Variants in SF3A3 observed in about 807,000 individuals in gnomAD.
The protein encoded by SF3A3 is SAP 61.
A neutral mutation model predicts 85.8 loss-of-function variants in SF3A3; 9 were observed. The observed-to-expected ratio is 0.10, with a 90% CI of 0.06 to 0.18. The LOEUF is 0.18. Among genes scored for constraint, SF3A3 ranks in the 10% least tolerant of loss-of-function variants. SF3A3 has a pLI of 1.00. For synonymous variants in SF3A3, 195 were observed against 204.4 expected (o/e 0.95, Z 0.39); for missense variants, 306 against 593.3 (o/e 0.52, Z 5.03).
chr1:37,980,505 T>C, intron 8 of SF3A3, 81 bp downstream of exon 8: 1 of 1,476,776 alleles, frequency 6.8e-7, no homozygotes, highest in South Asian at 1.2e-5. Flanking sequence ...CCTAATGCCC[T>C]AAAGTGGAAG....
chr1:37,973,831 C>T (rs146510810), intron 12 of SF3A3, among the ~76,000 whole-genome samples: 2 of 152,264 alleles, frequency 1.3e-5, no homozygotes, highest in East Asian at 3.9e-4. Flanking sequence ...GGAACCAACC[C>T]AAATGTCCAT....
chr1:37,980,907 T>C, intron 7 of SF3A3, 183 bp from the exon 8 acceptor site: 2 of 359,176 alleles, frequency 5.6e-6, no homozygotes, highest in Non-Finnish European at 9.3e-6. Context: ...TGGAGTGCAA[T>C]GGCGGGATCT....
chr1:37,984,134 G>T, intron 6 of SF3A3, 35 bp downstream of exon 6: 1 of 1,228,726 alleles, frequency 8.1e-7, no homozygotes, highest in Non-Finnish European at 1.2e-6. Context: ...CTCACTTCGA[G>T]AATCAGAACC....
At chr1:37,966,833 G>T (rs1646303436) in intron 15 of SF3A3, among the ~76,000 whole-genome samples, 1 of 143,900 alleles carries the variant, frequency 6.9e-6, no homozygotes, top group Non-Finnish European at 1.5e-5. Flanking sequence ...TACTCGGGAG[G>T]CTGAGGCAGG....
At chr1:37,985,530 C>G (rs149148747) in intron 4 of SF3A3, among the ~76,000 whole-genome samples, 124 of 152,270 alleles carry the variant, frequency 8.1e-4, no homozygotes, top group African/African-American at 2.9e-3. Flanking sequence ...AAACAGTGCT[C>G]TATGTATTTA....
At chr1:37,988,821 G>A (rs1322329374) in intron 2 of SF3A3, among the ~76,000 whole-genome samples, 2 of 151,776 alleles carry the variant, frequency 1.3e-5, no homozygotes, top group Admixed American at 1.3e-4. Context: ...CTTTAAAGTA[G>A]TATCCTGGGA....
chr1:37,961,573 G>A (rs28540806), intron 15 of SF3A3, among the ~76,000 whole-genome samples: 151,086 of 151,334 alleles, frequency 1, 75,421 homozygotes, highest in Middle Eastern at 1. Flanking sequence ...AACAAGAGTG[G>A]AACTCCGTCT....
intron 11 of SF3A3, among the ~76,000 whole-genome samples, chr1:37,978,151 A>C (rs1646392799): frequency 6.6e-6 from 1 of 152,094 alleles, no homozygotes; most frequent in South Asian, 2.1e-4. Context: ...CAGCCTGGCT[A>C]ACATGATGAA....
intron 15 of SF3A3, among the ~76,000 whole-genome samples, chr1:37,967,427 C>T (rs1646309474): frequency 6.6e-6 from 1 of 151,818 alleles, no homozygotes; most frequent in Non-Finnish European, 1.5e-5. Context: ...TGCCTGTAAT[C>T]CCAGCACTTT....
intron 12 of SF3A3, among the ~76,000 whole-genome samples, chr1:37,973,972 A>G (rs2148719840): frequency 6.6e-6 from 1 of 152,292 alleles, no homozygotes; most frequent in South Asian, 2.1e-4. Context: ...TGAGCAAACT[A>G]TCGCAAGGAC....
intron 11 of SF3A3, 133 bp downstream of exon 11, chr1:37,978,587 T>C (rs1646395647): frequency 1.6e-6 from 1 of 612,584 alleles, no homozygotes; most frequent in Admixed American, 3.0e-5. Flanking sequence ...TTAGCAGAGA[T>C]AAAGAGCAGA....
rs756075689 is a variant in SF3A3, at chr1:37,984,221, T to C, written c.416A>G (p.Tyr139Cys). ...GAGGTAACAGTCATGGAGATCGAGA[T>C]AACGACCATATCCCTCTTCATCTGT... is the stretch of plus-strand genomic sequence containing the variant. ...EFTDEEGYGR[Y>C]LDLHDCYLKY... The change falls in exon 6 of 17, where the codon TAT (tyrosine) becomes TGT (cysteine). Residue 139 changes from tyrosine (Y) to cysteine (C), a missense_variant. Tyr to Cys is a radical substitution (Grantham distance 194). Around this residue, in one of 4 missense-constraint regions of SF3A3, gnomAD observed 152 missense variants for 192.0 expected, o/e 0.79. Coordinates refer to ENST00000373019, the MANE Select transcript of SF3A3 (RefSeq NM_006802.4). 5 of 1,609,604 alleles carry C rather than the reference T, an allele frequency of 3.1e-6. No homozygotes were observed. The highest frequency in any genetic ancestry group is 1.1e-5 in the South Asian group (1 of 90,406).
intron 9 of SF3A3, chr1:37,979,260 C>G (rs1646400812): frequency 1.6e-6 from 1 of 623,208 alleles, no homozygotes; most frequent in Non-Finnish European, 2.9e-6. Context: ...ATTTACTTTA[C>G]TACGGCTTAA....
chr1:37,957,423 C>T lies in SF3A3; in HGVS notation c.*763G>A, dbSNP rs1425654567. ...TTTTTGAGATGGGGCCTCACTATAT[C>T]GCCCAGGCTGGTCTCAAACTCCTAG... On this transcript the variant is annotated 3_prime_UTR_variant, in exon 17 of 17. Coordinates refer to ENST00000373019, the MANE Select transcript of SF3A3 (RefSeq NM_006802.4). 2 of 132,384 alleles carry T rather than the reference C, an allele frequency of 1.5e-5. No individual in the cohort carries two copies. The highest frequency in any genetic ancestry group is 3.2e-5 in the Non-Finnish European group (2 of 63,102). 8.2% of individuals were successfully genotyped at this position (132,384 alleles called of 1,614,324 possible). A position where few individuals can be genotyped will look rare whatever the true frequency, so the allele number is the denominator to read the frequency against.
chr1:37,983,586 C>CAAAAAAAAAAA (rs371317065), intron 6 of SF3A3, among the ~76,000 whole-genome samples: 927 of 38,380 alleles, frequency 0.024, 184 homozygotes, highest in African/African-American at 0.034. Flanking sequence ...GACCCTGTCT[C>CAAAAAAAAAAA]AAAAAAAAAA....
Position 37,990,002 on chromosome 1 carries a change from A to C in SF3A3, c.-37T>G. 6.7e-7 allele frequency: 1 copy of C among 1,502,282 alleles called. No individual in the cohort carries two copies. Among genetic ancestry groups the C allele is most frequent in the Non-Finnish European group, 9.2e-7 (1 of 1,087,380 alleles). 93.1% of individuals were successfully genotyped at this position (1,502,282 alleles called of 1,614,324 possible). Reference sequence around the variant, plus strand: ...CGCGGCTTCTCAATTCAGACCACCAACACGGCCGGAAGCAACTCCTGCCGC... The same window carrying C: ...CGCGGCTTCTCAATTCAGACCACCACCACGGCCGGAAGCAACTCCTGCCGC... On this transcript the variant is annotated 5_prime_UTR_variant, in exon 1 of 17. Coordinates refer to ENST00000373019, the MANE Select transcript of SF3A3 (RefSeq NM_006802.4).
chr1:37,967,980 T>C (rs556262265), intron 15 of SF3A3, 64 bp downstream of exon 15: 3 of 924,848 alleles, frequency 3.2e-6, no homozygotes, highest in East Asian at 4.8e-5. Context: ...GGTATTAGGA[T>C]GCTGAATTGA....
chr1:37,983,602 A>AAAAAAAAAAAAAAAAAAAT, intron 6 of SF3A3, among the ~76,000 whole-genome samples: 1 of 148,506 alleles, frequency 6.7e-6, no homozygotes, highest in African/African-American at 2.5e-5. Context: ...AAAAAAAAAA[A>AAAAAAAAAAAAAAAAAAAT]AAAAAAGATT....
chr1:37,982,453 C>T (rs1646425951), intron 6 of SF3A3, among the ~76,000 whole-genome samples: 1 of 152,040 alleles, frequency 6.6e-6, no homozygotes. Context: ...TCACCACAAC[C>T]TCCACCTCAT....
Sources: allele counts gnomAD v4.1 joint callset (sites outside exome capture counted in the v4.1 genomes callset), GRCh38; gene constraint gnomAD v4.1.1; regional missense constraint gnomAD v4.1.1; transcripts MANE v1.5; gene names NCBI Gene and HGNC (gene_info 2026-07-23, HGNC 2026-07-21).